The following RFX4 variants were observed in gnomAD, a reference collection of about 807,000 sequenced individuals.
The protein encoded by RFX4 is transcription factor RFX4.
A neutral mutation model predicts 95.0 loss-of-function variants in RFX4; 10 were observed. That is an observed-to-expected ratio of 0.11 (90% CI 0.06 to 0.18). The LOEUF (loss-of-function observed/expected upper bound fraction) is 0.18. RFX4 is among the 10% of genes least tolerant of loss of function. The pLI, the probability that RFX4 is intolerant of heterozygous loss-of-function variation, is 1.00. For missense variants in RFX4, 640 were observed against 922.0 expected (o/e 0.69, Z 3.96); for synonymous variants, 321 against 340.7 (o/e 0.94, Z 0.64).
intron 2 of RFX4, among the ~76,000 whole-genome samples, chr12:106,615,047 A>T (rs1158134571): frequency 6.6e-6 from 1 of 152,178 alleles, no homozygotes; most frequent in African/African-American, 2.4e-5. Context: ...TATCCTATTA[A>T]GAAATTTTTG....
intron 2 of RFX4, among the ~76,000 whole-genome samples, chr12:106,626,867 A>G (rs897196244): frequency 2.0e-5 from 3 of 152,116 alleles, no homozygotes; most frequent in Non-Finnish European, 4.4e-5. Context: ...TAACATCTAA[A>G]TGAAATGACT....
intron 1 of RFX4, among the ~76,000 whole-genome samples, chr12:106,594,049 G>C (rs996737513): frequency 3.3e-5 from 5 of 152,160 alleles, no homozygotes; most frequent in African/African-American, 1.2e-4. Flanking sequence ...TCCCCAAAAA[G>C]AAAATCAACA....
chr12:106,737,690 G>A (rs924207480), intron 15 of RFX4, among the ~76,000 whole-genome samples: 1 of 152,130 alleles, frequency 6.6e-6, no homozygotes, highest in Non-Finnish European at 1.5e-5. Flanking sequence ...AATAAACTCA[G>A]TGGCCCTCTG....
intron 2 of RFX4, among the ~76,000 whole-genome samples, chr12:106,611,832 C>T (rs924780130): frequency 6.6e-6 from 1 of 152,158 alleles, no homozygotes; most frequent in Non-Finnish European, 1.5e-5. Context: ...TATTCTTTCA[C>T]ATGTTGGTAT....
At chr12:106,656,422 C>T (rs775403881) in intron 4 of RFX4, among the ~76,000 whole-genome samples, 32 of 152,188 alleles carry the variant, frequency 2.1e-4, no homozygotes, top group Non-Finnish European at 4.1e-4. Flanking sequence ...AAGGAGGAAA[C>T]TCAGTACCCA....
intron 11 of RFX4, among the ~76,000 whole-genome samples, chr12:106,718,868 T>C (rs2042341709): frequency 6.6e-6 from 1 of 150,788 alleles, no homozygotes; most frequent in Admixed American, 6.6e-5. Context: ...CCCAGCACTT[T>C]GGGAGGCCAA....
chr12:106,603,106 G>T (rs1482926070), intron 1 of RFX4, among the ~76,000 whole-genome samples: 1 of 152,168 alleles, frequency 6.6e-6, no homozygotes, highest in Non-Finnish European at 1.5e-5. Flanking sequence ...ATGAATAAAT[G>T]GATGCAGGGA....
intron 2 of RFX4, among the ~76,000 whole-genome samples, chr12:106,638,233 C>T (rs184086988): frequency 1.4e-4 from 21 of 152,218 alleles, no homozygotes; most frequent in Non-Finnish European, 2.5e-4. Context: ...GTCTTGAACT[C>T]CTGACCTCAA....
intron 2 of RFX4, among the ~76,000 whole-genome samples, chr12:106,628,061 C>T (rs1458919953): frequency 2.6e-5 from 4 of 152,168 alleles, no homozygotes; most frequent in African/African-American, 4.8e-5. Context: ...CTGGCTGGCA[C>T]GGCCCCAGTG....
rs778379057 is a variant in RFX4, at chr12:106,720,895, T to C, written c.1351+19T>C. The C allele has an allele frequency of 1.4e-4, 225 of 1,605,426 alleles. 1 individual carries two copies. The highest frequency in any genetic ancestry group is 1.7e-4 in the Non-Finnish European group (200 of 1,174,008). On this transcript the variant is annotated intron_variant, in intron 13 of 17. Transcript: ENST00000392842. The surrounding 1 kb of genome is among the most constrained non-coding windows in gnomAD (Gnocchi z 4.2). ...AGCTTCGGTAAGGCCACCCCAGCCCTCCCCATCTCCAAGCACTTTTTCCTC... is the reference window on the plus strand; with the variant it reads ...AGCTTCGGTAAGGCCACCCCAGCCCCCCCCATCTCCAAGCACTTTTTCCTC...
chr12:106,751,984 T>C (rs1360033614), intron 17 of RFX4, among the ~76,000 whole-genome samples: 4 of 143,358 alleles, frequency 2.8e-5, no homozygotes, highest in African/African-American at 1.0e-4. Flanking sequence ...GCCATTGCTT[T>C]TGGTGTTTTA....
chr12:106,733,062 A>G lies in RFX4; in HGVS notation c.1610A>G (p.Glu537Gly), dbSNP rs1180512643. The change falls in exon 15 of 18, where the codon GAG becomes GGG. Residue 537 changes from glutamate to glycine, a missense_variant. Transcript: ENST00000392842. ...TCCCCTGTTAGCAATCCTTCCCCTG[A>G]GTACACTGGCCTCAGCACTACAGGT... The part of the protein sequence containing the change: ...PSSPVSNPSP[E>G]YTGLSTTGAM... 1 of 1,614,042 alleles carries G rather than the reference A, an allele frequency of 6.2e-7. No individual in the cohort carries two copies. The highest frequency in any genetic ancestry group is 8.5e-7 in the Non-Finnish European group (1 of 1,180,010).
rs1002883536 is a variant in RFX4, at chr12:106,720,924, G to A, written c.1351+48G>A. On this transcript the variant is annotated intron_variant, in intron 13 of 17. Coordinates refer to ENST00000392842, the MANE Select transcript of RFX4 (RefSeq NM_213594.3). This position sits in a 1 kb window ranked among gnomAD's most constrained non-coding sequence, Gnocchi z 4.2. ...CATCTCCAAGCACTTTTTCCTCTGG[G>A]CACGGAGCCCAGAGGAATCTACCAC... 3.9e-6 allele frequency: 6 copies of A among 1,537,438 alleles called. No homozygotes were observed. Among genetic ancestry groups the A allele is most frequent in the Non-Finnish European group, 5.4e-6 (6 of 1,112,344 alleles).
intron 1 of RFX4, among the ~76,000 whole-genome samples, chr12:106,597,296 G>C (rs1462186790): frequency 1.3e-5 from 2 of 151,636 alleles, no homozygotes; most frequent in African/African-American, 4.8e-5. Flanking sequence ...TAAGTAATTT[G>C]CCCAGGGTTG....
chr12:106,682,678 A>T (rs2041541222), intron 5 of RFX4: 1 of 152,416 alleles, frequency 6.6e-6, no homozygotes, highest in Non-Finnish European at 1.5e-5. Flanking sequence ...TCAGATTGTG[A>T]CAAAGTTGTA....
chr12:106,604,429 C>G (rs1053843780), intron 1 of RFX4, among the ~76,000 whole-genome samples: 3 of 151,994 alleles, frequency 2.0e-5, no homozygotes, highest in Non-Finnish European at 2.9e-5. Context: ...GCCGCTACAG[C>G]TTCTCTTTAG....
At chr12:106,590,742 GGA>G (rs2039527554) in intron 1 of RFX4, among the ~76,000 whole-genome samples, 2 of 152,146 alleles carry the variant, frequency 1.3e-5, no homozygotes, top group Non-Finnish European at 1.5e-5. Context: ...GGCAAGAGTT[GGA>G]GACCAGCCTG....
At chr12:106,709,992 T>C (rs951837081) in intron 9 of RFX4, among the ~76,000 whole-genome samples, 4 of 152,182 alleles carry the variant, frequency 2.6e-5, no homozygotes, top group Admixed American at 6.5e-5. Context: ...ATATTTCTCA[T>C]AAAGGGATTG....
intron 3 of RFX4, among the ~76,000 whole-genome samples, chr12:106,645,196 G>A (rs1031362511): frequency 6.6e-5 from 10 of 152,096 alleles, no homozygotes; most frequent in African/African-American, 1.9e-4. Context: ...CAGCATCCTC[G>A]GTCACGAGGG....
Sources: allele counts gnomAD v4.1 joint callset (sites outside exome capture counted in the v4.1 genomes callset), GRCh38; gene constraint gnomAD v4.1.1; non-coding constraint Gnocchi (gnomAD v3.1); transcripts MANE v1.5; gene names NCBI Gene and HGNC (gene_info 2026-07-23, HGNC 2026-07-21).